RIT2: variants seen among roughly 807,000 people sequenced by gnomAD.
The protein encoded by RIT2 is Ras like without CAAX 2.
In RIT2, 24 loss-of-function variants were observed where a neutral mutation model predicts 23.7. The ratio of observed to expected loss-of-function variants is 1.01; its 90% CI spans 0.73 to 1.43. RIT2 has a LOEUF of 1.43. Among genes scored for constraint, RIT2 ranks in the 40% most tolerant of loss-of-function variants. The probability of loss-of-function intolerance (pLI) is 0.00; values close to 1 mark genes in which losing one functional copy is unlikely to be tolerated. For synonymous variants in RIT2, 107 were observed against 91.1 expected (o/e 1.17, Z -0.99); for missense variants, 236 against 266.9 (o/e 0.88, Z 0.81).
intron 4 of RIT2, chr18:42,920,840 C>T (rs1909038199): frequency 1.0e-6 from 1 of 960,294 alleles, no homozygotes; most frequent in East Asian, 2.4e-5. Context: ...AGTGTAATTT[C>T]ACCGTTGAGA....
Position 43,026,230 on chromosome 18 carries a change from T to C in RIT2, c.160+7581A>G, listed in dbSNP as rs1461823949. ...AAGAAAGAGTCAAAGGTTTTAGGTA[T>C]GAGAACCCAGAATGATGAGATTACC... On this transcript the variant is annotated intron_variant, in intron 2 of 4. Coordinates refer to ENST00000326695, the MANE Select transcript of RIT2 (RefSeq NM_002930.4). Among the ~76,000 whole-genome samples the C allele has an allele frequency of 2.6e-5, 4 of 151,818 alleles. No homozygotes were observed. The East Asian group carries it at 5.9e-4, about 22-fold the overall frequency.
chr18:42,928,676 A>C (rs1909245063), intron 3 of RIT2, among the ~76,000 whole-genome samples: 1 of 152,020 alleles, frequency 6.6e-6, no homozygotes, highest in Non-Finnish European at 1.5e-5. Context: ...GCAAAGCAAA[A>C]GGATTGCAAT....
Position 43,014,923 on chromosome 18 carries a change from T to C in RIT2, c.160+18888A>G, listed in dbSNP as rs1192781595. Among the ~76,000 whole-genome samples, 9 of 151,780 alleles carry C rather than the reference T, an allele frequency of 5.9e-5. No homozygotes were observed. The Admixed American group carries it at 5.9e-4, about 10-fold the overall frequency. ...ATGAATAAATTTCACAAACATAATA[T>C]TGCATGTAGAATAGCCAGATGAAGA... On this transcript the variant is annotated intron_variant, in intron 2 of 4. Coordinates refer to ENST00000326695, the MANE Select transcript of RIT2 (RefSeq NM_002930.4).
chr18:42,745,896 A>G (rs926637217), intron 4 of RIT2, among the ~76,000 whole-genome samples: 2 of 152,002 alleles, frequency 1.3e-5, no homozygotes, highest in South Asian at 2.1e-4. Flanking sequence ...ACTATTTTCT[A>G]TATTTATTGG....
At chr18:42,827,203 T>G (rs1377453457) in intron 4 of RIT2, among the ~76,000 whole-genome samples, 3 of 152,196 alleles carry the variant, frequency 2.0e-5, no homozygotes, top group Non-Finnish European at 4.4e-5. Flanking sequence ...AGCATAAGAC[T>G]GTGTTATATT....
intron 4 of RIT2, among the ~76,000 whole-genome samples, chr18:42,747,749 G>C (rs1051743767): frequency 8.6e-5 from 13 of 151,818 alleles, no homozygotes; most frequent in Admixed American, 6.6e-4. Flanking sequence ...TAACAGCCAA[G>C]AGATCTTTGA....
chr18:42,843,726 A>G (rs1283719134), intron 4 of RIT2, among the ~76,000 whole-genome samples: 1 of 152,212 alleles, frequency 6.6e-6, no homozygotes, highest in Non-Finnish European at 1.5e-5. Flanking sequence ...CAAGTATATA[A>G]CAGACTTGGA....
At chr18:42,871,462 A>C (rs1266661971) in intron 4 of RIT2, among the ~76,000 whole-genome samples, 1 of 152,184 alleles carries the variant, frequency 6.6e-6, no homozygotes, top group African/African-American at 2.4e-5. Flanking sequence ...CATGATACAA[A>C]AATAAAACAA....
chr18:42,801,820 C>T (rs1204562178), intron 4 of RIT2, among the ~76,000 whole-genome samples: 1 of 152,144 alleles, frequency 6.6e-6, no homozygotes, highest in African/African-American at 2.4e-5. Flanking sequence ...GAAAGTGTTT[C>T]CCATGATGCT....
chr18:42,992,096 C>G (rs894017920), intron 2 of RIT2, among the ~76,000 whole-genome samples: 1 of 151,852 alleles, frequency 6.6e-6, no homozygotes, highest in African/African-American at 2.4e-5. Context: ...CTCCGTGTCT[C>G]TACCCTTCTT....
rs140803158 is a variant in RIT2 at position 43,085,515 on chromosome 18, A to G, written c.103+29902T>C. ...TCTTTTTTCATTCTTCTCCTTTCCT[A>G]CCAGCCTCTGGTAATCACCTTTCTA... is the stretch of plus-strand genomic sequence containing the variant. On this transcript the variant is annotated intron_variant, in intron 1 of 4. Transcript: ENST00000326695. 3.9e-5 allele frequency among the ~76,000 whole-genome samples: 6 copies of G among 152,136 alleles called. No individual in the cohort carries two copies. The East Asian group carries it at 1.2e-3, about 29-fold the overall frequency.
At chr18:42,840,935 G>A (rs557648278) in intron 4 of RIT2, among the ~76,000 whole-genome samples, 1 of 152,302 alleles carries the variant, frequency 6.6e-6, no homozygotes, top group South Asian at 2.1e-4. Flanking sequence ...TAAATCCCAT[G>A]CCTCTACCAC....
chr18:43,110,245 A>G (rs1598789240), intron 1 of RIT2, among the ~76,000 whole-genome samples: 1 of 151,958 alleles, frequency 6.6e-6, no homozygotes, highest in African/African-American at 2.4e-5. Flanking sequence ...AACTCCATAT[A>G]TATATATACC....
At chr18:42,844,775 C>T (rs932322284) in intron 4 of RIT2, among the ~76,000 whole-genome samples, 5 of 152,116 alleles carry the variant, frequency 3.3e-5, no homozygotes, top group African/African-American at 1.2e-4. Flanking sequence ...TAGAAGTTCT[C>T]ACTTTGGGCC....
At chr18:42,926,107 G>C (rs576146552) in intron 3 of RIT2, among the ~76,000 whole-genome samples, 25 of 151,536 alleles carry the variant, frequency 1.6e-4, no homozygotes, top group Non-Finnish European at 3.4e-4. Context: ...TTTTGGTCTA[G>C]TATTTCTAGA....
intron 4 of RIT2, among the ~76,000 whole-genome samples, chr18:42,872,038 G>A (rs1907633938): frequency 6.6e-6 from 1 of 151,860 alleles, no homozygotes; most frequent in East Asian, 1.9e-4. Context: ...AATATCCAGG[G>A]CCATCTCCAT....
chr18:43,021,693 G>A (rs772215497), intron 2 of RIT2, among the ~76,000 whole-genome samples: 6 of 151,998 alleles, frequency 3.9e-5, no homozygotes, highest in Admixed American at 1.3e-4. Context: ...CATGTAAAAC[G>A]TGCCTTCTTC....
intron 4 of RIT2, among the ~76,000 whole-genome samples, chr18:42,753,615 T>A (rs894047981): frequency 3.0e-4 from 45 of 152,350 alleles, no homozygotes; most frequent in African/African-American, 1.1e-3. Context: ...TAATTTTCAT[T>A]ATGCAGTCTA....
At chr18:42,965,345 AAG>A (rs1278820608) in intron 3 of RIT2, among the ~76,000 whole-genome samples, 1 of 152,172 alleles carries the variant, frequency 6.6e-6, no homozygotes, top group Non-Finnish European at 1.5e-5. Flanking sequence ...ATGTGAAAAA[AAG>A]AGGTCATATG....
Sources: allele counts gnomAD v4.1 joint callset (sites outside exome capture counted in the v4.1 genomes callset), GRCh38; gene constraint gnomAD v4.1.1; transcripts MANE v1.5; gene names NCBI Gene and HGNC (gene_info 2026-07-23, HGNC 2026-07-21).